The following PTPRD variants were observed in gnomAD, a reference collection of about 807,000 sequenced individuals.
PTPRD encodes the protein receptor-type tyrosine-protein phosphatase delta.
PTPRD carries 34 observed loss-of-function variants against 214.5 expected under a neutral mutation model. That is an observed-to-expected ratio of 0.16 (90% confidence interval 0.12 to 0.21). The LOEUF is 0.21. Among genes scored for constraint, PTPRD ranks in the 10% least tolerant of loss-of-function variants. The pLI, the probability that PTPRD is intolerant of heterozygous loss-of-function variation, is 1.00. For synonymous variants in PTPRD, 1,128 were observed against 845.7 expected (o/e 1.33, Z -5.79); for missense variants, 2,545 against 2,398.7 (o/e 1.06, Z -1.27).
chr9:9,281,080 A>C (rs1261638379), intron 9 of PTPRD, among the ~76,000 whole-genome samples: 1 of 151,340 alleles, frequency 6.6e-6, no homozygotes, highest in Non-Finnish European at 1.5e-5. Context: ...ATTTATATAC[A>C]GATCCTACAC....
chr9:8,449,850 A>G lies in PTPRD; in HGVS notation c.3876-13T>C, dbSNP rs763426577. ...CTCTGCCCTCTTCCTATAGGGGGAAAATAGAAATTTAAGAAGAAAAGAAAA... is the reference window on the plus strand; with the variant it reads ...CTCTGCCCTCTTCCTATAGGGGGAAGATAGAAATTTAAGAAGAAAAGAAAA... On this transcript the variant is annotated splice_polypyrimidine_tract_variant and intron_variant, in intron 33 of 45. Transcript: ENST00000381196. 13 of 1,608,864 alleles carry G rather than the reference A, an allele frequency of 8.1e-6. No individual in the cohort carries two copies. In the East Asian group the frequency reaches 1.1e-4, roughly 14 times the overall value.
At chr9:10,210,671 G>A (rs1282565104) in intron 3 of PTPRD, among the ~76,000 whole-genome samples, 6 of 148,788 alleles carry the variant, frequency 4.0e-5, no homozygotes, top group African/African-American at 1.5e-4. Context: ...GTTTATATAT[G>A]TATATGTTTA....
rs34342718 is a variant in PTPRD at position 8,940,280 on chromosome 9, C to CTTTTTTTTT, written c.-104+78408_-104+78416dup. Among the ~76,000 whole-genome samples, 100 of 89,038 alleles carry CTTTTTTTTT rather than the reference C, an allele frequency of 1.1e-3. 2 individuals carry two copies. The highest frequency in any genetic ancestry group is 1.4e-3 in the Non-Finnish European group (70 of 48,718). The allele number at this position is 89,038 out of a possible 152,430, so 58.4% of individuals were successfully genotyped here. ...TCACACATCTCTCTCTCTCTCTCTC[C>CTTTTTTTTT]TTTTTTTTTTTTTTTTTTTTGAGAT... is the stretch of plus-strand genomic sequence containing the variant. On this transcript the variant is annotated intron_variant, in intron 11 of 45. Coordinates refer to ENST00000381196, the MANE Select transcript of PTPRD (RefSeq NM_002839.4).
chr9:9,327,834 G>A (rs1005274002), intron 9 of PTPRD, among the ~76,000 whole-genome samples: 6 of 151,578 alleles, frequency 4.0e-5, no homozygotes, highest in Non-Finnish European at 7.4e-5. Flanking sequence ...GGCTTCCCTG[G>A]GCCACGTTGG....
At chr9:8,469,359 C>T (rs560233476) in intron 31 of PTPRD, among the ~76,000 whole-genome samples, 1 of 152,184 alleles carries the variant, frequency 6.6e-6, no homozygotes, top group East Asian at 1.9e-4. Context: ...TGATGTCATT[C>T]TGGCTTGGAT....
chr9:9,261,559 C>A (rs1423763114), intron 9 of PTPRD, among the ~76,000 whole-genome samples: 1 of 151,550 alleles, frequency 6.6e-6, no homozygotes, highest in East Asian at 2.0e-4. Flanking sequence ...TTAGAGGCCA[C>A]CTGTGATAAA....
At chr9:8,418,966 A>T (rs2094154246) in intron 35 of PTPRD, among the ~76,000 whole-genome samples, 1 of 152,076 alleles carries the variant, frequency 6.6e-6, no homozygotes, top group Non-Finnish European at 1.5e-5. Flanking sequence ...TCCTTGTAAA[A>T]ATGGCTCCTT....
At chr9:10,194,343 TATAGAG>T (rs2099388342) in intron 3 of PTPRD, among the ~76,000 whole-genome samples, 5 of 41,032 alleles carry the variant, frequency 1.2e-4, no homozygotes, top group African/African-American at 4.3e-4. Flanking sequence ...TATATATATA[TATAGAG>T]AGAGAGAGAG....
chr9:9,565,500 G>A (rs1250163232), intron 8 of PTPRD, among the ~76,000 whole-genome samples: 1 of 151,842 alleles, frequency 6.6e-6, no homozygotes, highest in African/African-American at 2.4e-5. Context: ...GCAGAATGAT[G>A]ATGGATTTCT....
chr9:9,188,738 G>C (rs964837133), intron 9 of PTPRD, among the ~76,000 whole-genome samples: 2 of 151,990 alleles, frequency 1.3e-5, no homozygotes, highest in African/African-American at 4.8e-5. Flanking sequence ...GATCTAATGA[G>C]AGACATGGTA....
chr9:9,937,803 T>C (rs947477908), intron 5 of PTPRD, among the ~76,000 whole-genome samples: 3 of 152,164 alleles, frequency 2.0e-5, no homozygotes, highest in Admixed American at 2.0e-4. Flanking sequence ...ATGAAAATCA[T>C]TTAAAAAAAT....
chr9:10,142,881 T>A (rs1287633262), intron 3 of PTPRD, among the ~76,000 whole-genome samples: 1 of 147,350 alleles, frequency 6.8e-6, no homozygotes, highest in Non-Finnish European at 1.5e-5. Flanking sequence ...AACCCAAATG[T>A]CCAACAATGA....
At chr9:8,964,214 T>TTTTTTTTG in intron 11 of PTPRD, among the ~76,000 whole-genome samples, 1 of 147,054 alleles carries the variant, frequency 6.8e-6, no homozygotes, top group Non-Finnish European at 1.5e-5. Flanking sequence ...TTTTTTTTTT[T>TTTTTTTTG]TTTGCTGATT....
chr9:8,951,169 GA>G (rs1288839905), intron 11 of PTPRD, among the ~76,000 whole-genome samples: 1 of 144,766 alleles, frequency 6.9e-6, no homozygotes, highest in Non-Finnish European at 1.5e-5. Context: ...AAGAGAGAGA[GA>G]GAGAGGAAGA....
At chr9:8,784,448 T>C (rs2095857963) in intron 11 of PTPRD, among the ~76,000 whole-genome samples, 1 of 152,214 alleles carries the variant, frequency 6.6e-6, no homozygotes, top group East Asian at 1.9e-4. Flanking sequence ...AATAACTTGG[T>C]CGGCTTATCA....
intron 21 of PTPRD, among the ~76,000 whole-genome samples, chr9:8,516,797 ACT>A (rs761562962): frequency 7.2e-6 from 1 of 139,360 alleles, no homozygotes; most frequent in Non-Finnish European, 1.5e-5. Flanking sequence ...TCAAGAATAA[ACT>A]TTTTTTTTTT....
intron 44 of PTPRD, among the ~76,000 whole-genome samples, chr9:8,325,608 C>T (rs1832874799): frequency 6.7e-6 from 1 of 149,828 alleles, no homozygotes; most frequent in African/African-American, 2.5e-5. Context: ...TAGTTTTTTC[C>T]CATTCTGTGA....
At chr9:9,142,777 T>C (rs1213856326) in intron 10 of PTPRD, among the ~76,000 whole-genome samples, 2 of 152,208 alleles carry the variant, frequency 1.3e-5, no homozygotes, top group Non-Finnish European at 2.9e-5. Context: ...TATTTTCACA[T>C]ACCCCATCTG....
At chr9:9,000,151 T>C (rs1330915135) in intron 11 of PTPRD, among the ~76,000 whole-genome samples, 4 of 152,036 alleles carry the variant, frequency 2.6e-5, no homozygotes, top group African/African-American at 9.7e-5. Flanking sequence ...GATAATTTCA[T>C]TGATTGCTTT....
Sources: allele counts gnomAD v4.1 joint callset (sites outside exome capture counted in the v4.1 genomes callset), GRCh38; gene constraint gnomAD v4.1.1; transcripts MANE v1.5; gene names NCBI Gene and HGNC (gene_info 2026-07-23, HGNC 2026-07-21).